The following SEPTIN7 variants were observed in gnomAD, a reference collection of about 807,000 sequenced individuals.
The protein encoded by SEPTIN7 is septin 7.
In SEPTIN7, 10 loss-of-function variants were observed where a neutral mutation model predicts 63.3. The ratio of observed to expected loss-of-function variants is 0.16; its 90% CI spans 0.10 to 0.27. SEPTIN7 has a LOEUF of 0.27. Among genes scored for constraint, SEPTIN7 ranks in the 10% least tolerant of loss-of-function variants. The pLI is 1.00. For missense variants in SEPTIN7, 310 were observed against 521.0 expected (o/e 0.59, Z 3.94); for synonymous variants, 131 against 165.3 (o/e 0.79, Z 1.59).
At chr7:35,826,142 C>A (rs1000208269) in intron 1 of SEPTIN7, among the ~76,000 whole-genome samples, 1 of 151,824 alleles carries the variant, frequency 6.6e-6, no homozygotes, top group African/African-American at 2.4e-5. Flanking sequence ...ATTTAAATGG[C>A]AAATGAATTT....
At chr7:35,890,582 A>G in intron 10 of SEPTIN7, 86 bp from the exon 11 acceptor site, 2 of 1,234,156 alleles carry the variant, frequency 1.6e-6, no homozygotes, top group Admixed American at 6.3e-5. Context: ...TGTTTTGGTA[A>G]AATTTTGAAT....
chr7:35,887,353 A>G (rs1233421924), intron 10 of SEPTIN7, among the ~76,000 whole-genome samples: 1 of 152,216 alleles, frequency 6.6e-6, no homozygotes, highest in East Asian at 1.9e-4. Flanking sequence ...TTACTGAGCC[A>G]GAGGCTACTT....
rs776716717 is a variant in SEPTIN7, at chr7:35,812,195, G to A, written c.61+10925G>A. 8.8e-4 allele frequency: 142 copies of A among 162,076 alleles called. 1 individual carries two copies. Among genetic ancestry groups the A allele is most frequent in the Non-Finnish European group, 1.5e-3 (112 of 72,998 alleles). 10.0% of individuals were successfully genotyped at this position (162,076 alleles called of 1,614,324 possible). ...GGCTAACTCAACTTCAGCTGTGGGC[G>A]AAAAAGATAACTAGAATGACTTAGC... On this transcript the variant is annotated intron_variant, in intron 1 of 13. Coordinates refer to ENST00000350320, the MANE Select transcript of SEPTIN7 (RefSeq NM_001788.6).
At chr7:35,813,333 A>C (rs1362282875) in intron 1 of SEPTIN7, among the ~76,000 whole-genome samples, 1 of 151,152 alleles carries the variant, frequency 6.6e-6, no homozygotes, top group Non-Finnish European at 1.5e-5. Flanking sequence ...ACCTTTTCCT[A>C]CTTACAAATG....
At chr7:35,864,207 A>G (rs1785671280) in intron 4 of SEPTIN7, among the ~76,000 whole-genome samples, 1 of 152,100 alleles carries the variant, frequency 6.6e-6, no homozygotes, top group Admixed American at 6.6e-5. Context: ...GAATGGCAAT[A>G]GCGATTCTGT....
At chr7:35,848,772 G>A (rs1784818602) in intron 3 of SEPTIN7, among the ~76,000 whole-genome samples, 1 of 152,134 alleles carries the variant, frequency 6.6e-6, no homozygotes, top group East Asian at 1.9e-4. Context: ...TGAAGAAAAT[G>A]TTCTGAGTAG....
At chr7:35,842,708 AAAT>A (rs1207127937) in intron 3 of SEPTIN7, among the ~76,000 whole-genome samples, 1 of 152,234 alleles carries the variant, frequency 6.6e-6, no homozygotes, top group Admixed American at 6.5e-5. Flanking sequence ...ACTGTGCTGA[AAAT>A]AATGTGTTAA....
At chr7:35,839,001 T>C (rs572492944) in intron 3 of SEPTIN7, among the ~76,000 whole-genome samples, 18 of 152,348 alleles carry the variant, frequency 1.2e-4, no homozygotes, top group African/African-American at 4.1e-4. Flanking sequence ...CTTGGAGTTA[T>C]AAATTTCCAG....
At position 35,873,944 on chromosome 7, in the gene SEPTIN7, A is replaced by G. The variant is rs574970418; in HGVS notation, c.512+169A>G. On this transcript the variant is annotated intron_variant, in intron 6 of 13. Coordinates refer to ENST00000350320, the MANE Select transcript of SEPTIN7 (RefSeq NM_001788.6). ...TAGTTGAAAAGCCATTTTAAGTCCT[A>G]TATAAGCTAACAGTGATTTTACTCC... 9 of 585,174 alleles carry G rather than the reference A, an allele frequency of 1.5e-5. No homozygotes were observed. The South Asian group carries it at 1.5e-4, about 10-fold the overall frequency. 36.2% of individuals were successfully genotyped at this position (585,174 alleles called of 1,614,324 possible).
At chr7:35,915,070 T>C in the SEPTIN7 span, among the ~76,000 whole-genome samples, 3 of 149,790 alleles carry the variant, frequency 2.0e-5, no homozygotes, top group South Asian at 6.4e-4. Flanking sequence ...CACAGATGCA[T>C]GCATGTACAT....
chr7:35,811,966 C>A (rs1168913199), intron 1 of SEPTIN7: 1 of 174,994 alleles, frequency 5.7e-6, no homozygotes, highest in African/African-American at 2.4e-5. Flanking sequence ...AAACAAAAAA[C>A]AAACAAAAAA....
At chr7:35,862,400 A>G (rs1785556585) in intron 3 of SEPTIN7, among the ~76,000 whole-genome samples, 1 of 152,216 alleles carries the variant, frequency 6.6e-6, no homozygotes, top group South Asian at 2.1e-4. Context: ...ATTATTGTAT[A>G]TACTAAAATT....
At chr7:35,822,224 G>T (rs1405015246) in intron 1 of SEPTIN7, among the ~76,000 whole-genome samples, 1 of 151,762 alleles carries the variant, frequency 6.6e-6, no homozygotes, top group Admixed American at 6.6e-5. Flanking sequence ...GGACTACCTG[G>T]CTAATTTTTT....
At chr7:35,803,669 C>T (rs1788142948) in intron 1 of SEPTIN7, among the ~76,000 whole-genome samples, 1 of 152,152 alleles carries the variant, frequency 6.6e-6, no homozygotes, top group South Asian at 2.1e-4. Context: ...ATAAGTTGAA[C>T]ATTTTAAACT....
intron 3 of SEPTIN7, among the ~76,000 whole-genome samples, chr7:35,861,624 T>A (rs1257471264): frequency 6.6e-6 from 1 of 152,164 alleles, no homozygotes; most frequent in Admixed American, 6.5e-5. Flanking sequence ...ACTCAGATGG[T>A]CTATTGTATC....
In SEPTIN7 at chr7:35,890,696, A is replaced by T; in HGVS notation, c.901A>T (p.Thr301Ser). Residue 301 changes from threonine to serine, a missense_variant, in exon 11 of 14, where the codon ACT (threonine) becomes TCT (serine). Thr to Ser is a moderately conservative substitution (Grantham distance 58, BLOSUM62 1). Coordinates refer to ENST00000350320, the MANE Select transcript of SEPTIN7 (RefSeq NM_001788.6). ...ACACATGCAGGACTTGAAAGATGTT[A>T]CTAATAATGTCCACTATGAGAACTA... ...RTHMQDLKDV[T>S]NNVHYENYRS... 1.3e-6 allele frequency: 2 copies of T among 1,587,928 alleles called. No homozygotes were observed. Among genetic ancestry groups the T allele is most frequent in the Non-Finnish European group, 1.7e-6 (2 of 1,169,660 alleles).
chr7:35,817,083 T>C (rs1242664639), intron 1 of SEPTIN7, among the ~76,000 whole-genome samples: 1 of 152,032 alleles, frequency 6.6e-6, no homozygotes, highest in East Asian at 1.9e-4. Context: ...GTCCAGTTTA[T>C]CTACTTATTG....
chr7:35,913,046 A>G, the SEPTIN7 span, among the ~76,000 whole-genome samples: 2 of 152,232 alleles, frequency 1.3e-5, no homozygotes, highest in Non-Finnish European at 2.9e-5. Context: ...CATAGCCTTT[A>G]GTTCTCTGGC....
chr7:35,830,718 A>T (rs1224225711), intron 1 of SEPTIN7, among the ~76,000 whole-genome samples: 1 of 152,244 alleles, frequency 6.6e-6, no homozygotes, highest in African/African-American at 2.4e-5. Context: ...GGGTTGTGAT[A>T]TAACTCATAG....
Sources: gnomAD v4.1 joint callset for allele counts (sites outside exome capture counted in the v4.1 genomes callset) on GRCh38, gnomAD v4.1.1 for gene constraint, MANE v1.5 for transcripts, NCBI Gene and HGNC (gene_info 2026-07-23, HGNC 2026-07-21) for gene names.